The following SORBS2 variants were observed in gnomAD, a reference collection of about 807,000 sequenced individuals.
SORBS2 encodes sorbin and SH3 domain-containing protein 2.
In SORBS2, 46 loss-of-function variants were observed where a neutral mutation model predicts 97.7. The ratio of observed to expected loss-of-function variants is 0.47; its 90% CI spans 0.37 to 0.60. The LOEUF is 0.60. SORBS2 is among the 20% of genes least tolerant of loss of function. The pLI is 0.00. For missense variants in SORBS2, 1,316 were observed against 1,282.3 expected (o/e 1.03, Z -0.40); for synonymous variants, 476 against 473.4 (o/e 1.01, Z -0.07).
intron 5 of SORBS2, among the ~76,000 whole-genome samples, chr4:185,627,776 G>A (rs1365025517): frequency 1.3e-5 from 2 of 152,076 alleles, no homozygotes; most frequent in African/African-American, 4.8e-5. Context: ...CATCATTAAT[G>A]TGTCAATCAT....
chr4:185,798,549 A>G (rs573670395), intron 1 of SORBS2, among the ~76,000 whole-genome samples: 2 of 152,364 alleles, frequency 1.3e-5, no homozygotes, highest in African/African-American at 4.8e-5. Flanking sequence ...ACTACACTTA[A>G]TAGCTTTTTA....
intron 1 of SORBS2, among the ~76,000 whole-genome samples, chr4:185,949,353 G>A (rs576583309): frequency 6.6e-6 from 1 of 152,126 alleles, no homozygotes; most frequent in Non-Finnish European, 1.5e-5. Context: ...AACTTTGTCA[G>A]TGTCTACTCC....
chr4:185,734,102 C>T (rs891484432), intron 2 of SORBS2: 11 of 152,726 alleles, frequency 7.2e-5, no homozygotes, highest in African/African-American at 2.6e-4. Context: ...AGCGTACCTT[C>T]TGAAGAAATG....
intron 1 of SORBS2, among the ~76,000 whole-genome samples, chr4:185,655,438 C>T (rs1275579601): frequency 1.3e-5 from 2 of 152,166 alleles, no homozygotes; most frequent in East Asian, 3.8e-4. Flanking sequence ...CATTTATAAC[C>T]ACAGCTATAC....
chr4:185,789,755 A>C (rs1168856169), intron 1 of SORBS2, among the ~76,000 whole-genome samples: 1 of 152,158 alleles, frequency 6.6e-6, no homozygotes, highest in Non-Finnish European at 1.5e-5. Flanking sequence ...TTTTTAATGC[A>C]ATATTTCATT....
rs550177411 is a variant in SORBS2, at chr4:185,696,144, C to A, written c.-197-17322G>T. 3.3e-5 allele frequency among the ~76,000 whole-genome samples: 5 copies of A among 152,148 alleles called. No individual in the cohort carries two copies. The South Asian group carries it at 1.0e-3, about 32-fold the overall frequency. On this transcript the variant is annotated intron_variant, in intron 2 of 20. Transcript: ENST00000284776. ...ATAAAGAAATAAATGAACATGAGGC[C>A]GTTGATAATTTTTTATGAGAATACG...
chr4:185,842,927 G>T (rs2099212453), intron 1 of SORBS2, among the ~76,000 whole-genome samples: 1 of 53,532 alleles, frequency 1.9e-5, no homozygotes, highest in East Asian at 1.8e-3. Flanking sequence ...GAGAAAGACT[G>T]TCTAAAAAAA....
At chr4:185,677,753 T>C in intron 4 of SORBS2, 1 of 628,874 alleles carries the variant, frequency 1.6e-6, no homozygotes, top group Non-Finnish European at 2.5e-6. Flanking sequence ...AGTAAAGCAA[T>C]GCCACACCTT....
chr4:185,664,507 G>A (rs1183125635), intron 4 of SORBS2, among the ~76,000 whole-genome samples: 1 of 152,186 alleles, frequency 6.6e-6, no homozygotes, highest in Non-Finnish European at 1.5e-5. Context: ...TAGGGCATGG[G>A]AGGAACCCAC....
rs2099153884 is a variant in SORBS2 at position 185,806,434 on chromosome 4, C to CTGTTTTTT, written c.-337-31069_-337-31068insAAAAAACA. 1.3e-3 allele frequency among the ~76,000 whole-genome samples: 137 copies of CTGTTTTTT among 108,144 alleles called. 61 individuals carry two copies. Among genetic ancestry groups the CTGTTTTTT allele is most frequent in the African/African-American group, 4.6e-3 (125 of 27,290 alleles). 70.9% of individuals were successfully genotyped at this position (108,144 alleles called of 152,430 possible). ...AGTGGCACAGCTCTTGGCTAGAATC[C>CTGTTTTTT]TATTTTTTTTTTTTTTTTTTTTTTT... On this transcript the variant is annotated intron_variant, in intron 1 of 20. Transcript: ENST00000284776.
chr4:185,888,799 C>T (rs528267573), intron 1 of SORBS2, among the ~76,000 whole-genome samples: 2 of 151,828 alleles, frequency 1.3e-5, no homozygotes, highest in Admixed American at 1.3e-4. Context: ...CTCCTCTGAA[C>T]ACTCAACACA....
intron 12 of SORBS2, among the ~76,000 whole-genome samples, chr4:185,601,578 T>C (rs1274056268): frequency 6.6e-6 from 1 of 152,174 alleles, no homozygotes; most frequent in Non-Finnish European, 1.5e-5. Flanking sequence ...CATTTATGTG[T>C]AAGAGCAATA....
intron 2 of SORBS2, chr4:185,771,181 G>A (rs2098968951): frequency 6.6e-6 from 1 of 150,662 alleles, no homozygotes; most frequent in East Asian, 1.9e-4. Context: ...AGTAGAGATG[G>A]GGTTTCACCA....
At chr4:185,827,057 TCATCATCATCAC>T (rs1561210369) in intron 1 of SORBS2, among the ~76,000 whole-genome samples, 53 of 69,462 alleles carry the variant, frequency 7.6e-4, no homozygotes, top group Admixed American at 3.1e-3. Flanking sequence ...ACCATCACCA[TCATCATCATCAC>T]CATCATCATC....
At chr4:185,630,738 T>C (rs1239552530) in intron 4 of SORBS2, 140 bp from the exon 17 acceptor site, 1 of 611,846 alleles carries the variant, frequency 1.6e-6, no homozygotes, top group African/African-American at 1.9e-5. Flanking sequence ...ACTATAAAAA[T>C]GTCTTCCCAA....
intron 1 of SORBS2, among the ~76,000 whole-genome samples, chr4:185,840,711 T>C (rs1472775236): frequency 6.6e-6 from 1 of 152,242 alleles, no homozygotes; most frequent in African/African-American, 2.4e-5. Context: ...TAATGCACAT[T>C]GTACTTCTGT....
chr4:185,621,918 T>G (rs897454777), intron 7 of SORBS2, among the ~76,000 whole-genome samples: 1 of 152,240 alleles, frequency 6.6e-6, no homozygotes, highest in Non-Finnish European at 1.5e-5. Context: ...CATAGGCCTA[T>G]GCCAGTTTTA....
chr4:185,611,210 A>G lies in SORBS2; in HGVS notation c.2796+570T>C, dbSNP rs190163739. ...CTTGACTTATAGACTCTAATTAAAA[A>G]TTTTTGCTCTAGCTCATTTTCCATA... On this transcript the variant is annotated intron_variant, in intron 12 of 14. Transcript: ENST00000418609. Among the ~76,000 whole-genome samples the G allele has an allele frequency of 4.4e-3, 673 of 152,144 alleles. 4 individuals are homozygous for G. The highest frequency in any genetic ancestry group is 0.015 in the African/African-American group (640 of 41,546).
At chr4:185,817,266 C>G (rs1414491295) in intron 1 of SORBS2, among the ~76,000 whole-genome samples, 1 of 151,914 alleles carries the variant, frequency 6.6e-6, no homozygotes, top group African/African-American at 2.4e-5. Context: ...CCCTGTTAAC[C>G]AGTCCCAAAC....
Sources: allele counts gnomAD v4.1 joint callset (sites outside exome capture counted in the v4.1 genomes callset), GRCh38; gene constraint gnomAD v4.1.1; transcripts MANE v1.5; gene names NCBI Gene and HGNC (gene_info 2026-07-23, HGNC 2026-07-21).